The following CIC variants were observed in gnomAD, a reference collection of about 807,000 sequenced individuals.
CIC encodes protein capicua homolog.
In CIC, 18 loss-of-function variants were observed where a neutral mutation model predicts 115.7. The observed-to-expected ratio is 0.16, with a 90% CI of 0.11 to 0.23. The LOEUF is 0.23. Among genes scored for constraint, CIC ranks in the 10% least tolerant of loss-of-function variants. CIC has a pLI of 1.00. For missense variants in CIC, 2,000 were observed against 2,159.3 expected (o/e 0.93, Z 1.46); for synonymous variants, 1,076 against 923.0 (o/e 1.17, Z -3.01).
At position 42,293,779 on chromosome 19, in the gene CIC, G is replaced by A. The variant is rs2038324885; in HGVS notation, c.6710G>A (p.Gly2237Asp). 6.2e-7 allele frequency: 1 copy of A among 1,612,670 alleles called. No individual in the cohort carries two copies. Residue 2237 changes from glycine (G) to aspartate (D), a missense_variant, in exon 17 of 21, where the codon GGC becomes GAC. Physicochemically the swap from Gly to Asp is moderately conservative, Grantham distance 94. Around this residue, in one of 8 missense-constraint regions of CIC, gnomAD observed 1,466 missense variants for 1,390.4 expected, o/e 1.05. Coordinates refer to ENST00000681038, the MANE Select transcript of CIC (RefSeq NM_001386298.1). ...GAGCGCAAGGAGGCGGCTGGTACTG[G>A]CAAGAAGGTGAAGGTGCGGCCCCCG... ...TPERKEAAGT[G>D]KKVKVRPPPL...
At chr19:42,288,431 A>G (rs1035651958) in intron 7 of CIC, among the ~76,000 whole-genome samples, 1 of 152,094 alleles carries the variant, frequency 6.6e-6, no homozygotes, top group African/African-American at 2.4e-5. Context: ...GGCTGCTTCC[A>G]CTTATTGAGG....
At position 42,270,333 on chromosome 19, in the gene CIC, A is replaced by G. The variant is rs1196351544; in HGVS notation, c.-11+952A>G. On this transcript the variant is annotated intron_variant, in intron 1 of 20. Coordinates refer to ENST00000681038, the MANE Select transcript of CIC (RefSeq NM_001386298.1). This position sits in a 1 kb window ranked among gnomAD's most constrained non-coding sequence, Gnocchi z 4.1. ...ACAGGAGGAGCAGGCCCCTAGTGAG[A>G]GAGCATGAGGTCAAGGGTCCCCCAG... Among the ~76,000 whole-genome samples, 3 of 151,888 alleles carry G rather than the reference A, an allele frequency of 2.0e-5. No individual in the cohort carries two copies. Among genetic ancestry groups the G allele is most frequent in the African/African-American group, 7.3e-5 (3 of 41,338 alleles).
chr19:42,293,214 C>T lies in CIC; in HGVS notation c.6455C>T (p.Ala2152Val), dbSNP rs2147323832. ...CTGCCAGAGACCTGGACTCCCACGG[C>T]CCGGAGCAGCCCCCCACTGCCCCCA... ...PPLPETWTPTARSSPPLPPPA... is the reference protein window; with the variant it reads ...PPLPETWTPTVRSSPPLPPPA... The change falls in exon 16 of 21, where the codon GCC (alanine) becomes GTC (valine). Residue 2152 changes from alanine to valine, a missense_variant. By Grantham distance (64) the Ala-to-Val change is moderately conservative. Around this residue, in one of 8 missense-constraint regions of CIC, gnomAD observed 1,466 missense variants for 1,390.4 expected, o/e 1.05. Transcript: ENST00000681038. The T allele has an allele frequency of 6.3e-7, 1 of 1,595,972 alleles. No homozygotes were observed. The highest frequency in any genetic ancestry group is 8.5e-7 in the Non-Finnish European group (1 of 1,172,500).
chr19:42,286,654 TG>T, intron 2 of CIC, 116 bp from the exon 3 acceptor site: 3 of 1,158,978 alleles, frequency 2.6e-6, no homozygotes, highest in Non-Finnish European at 3.5e-6. Context: ...GCTCTGGTGT[TG>T]GGGGTGGGGG....
chr19:42,289,540 T>A, intron 9 of CIC, 134 bp downstream of exon 9: 1 of 1,047,488 alleles, frequency 9.5e-7, no homozygotes, highest in Non-Finnish European at 1.4e-6. Context: ...ATGTGGCCAG[T>A]TCAGGCCCTG....
rs761345552 is a variant in CIC at position 42,292,730 on chromosome 19, G to GC, written c.6074dup (p.Ser2026LysfsTer34). 12 of 1,612,892 alleles carry GC rather than the reference G, an allele frequency of 7.4e-6. No homozygotes were observed. On this transcript the variant is annotated frameshift_variant, in exon 15 of 21. Coordinates refer to ENST00000681038, the MANE Select transcript of CIC (RefSeq NM_001386298.1). LOFTEE classifies it high-confidence loss of function. Reference sequence around the variant, plus strand: ...AGCACCCCTGGCCCAGCCATCCCAGGCCCCCCCAAGCCTGGTCTACACTGT... The same window carrying GC: ...AGCACCCCTGGCCCAGCCATCCCAGGCCCCCCCCAAGCCTGGTCTACACTGT...
Position 42,294,704 on chromosome 19 carries a change from G to A in CIC, c.7155G>A (p.Gln2385=), listed in dbSNP as rs1309924252. ...TLDQRRALVM[Q]LFQDHGFFPS... ...ACCAGCGCCGGGCCCTGGTCATGCAGCTCTTTCAGGACCATGGCTTCTTCC... is the reference window on the plus strand; with the variant it reads ...ACCAGCGCCGGGCCCTGGTCATGCAACTCTTTCAGGACCATGGCTTCTTCC... Residue 2385 remains glutamine, a synonymous_variant, in exon 20 of 21, where the codon CAG becomes CAA. Transcript: ENST00000681038. 4 of 1,613,682 alleles carry A rather than the reference G, an allele frequency of 2.5e-6. No homozygotes were observed. The highest frequency in any genetic ancestry group is 2.2e-5 in the South Asian group (2 of 91,086).
At chr19:42,291,868 G>A (rs535158558) in intron 12 of CIC, 123 bp downstream of exon 12, 14 of 1,364,832 alleles carry the variant, frequency 1.0e-5, no homozygotes, top group African/African-American at 1.4e-5. Flanking sequence ...GCCATCTTCC[G>A]TGATGTCTCT....
intron 18 of CIC, 25 bp downstream of exon 18, chr19:42,294,114 G>A: frequency 1.2e-6 from 2 of 1,613,732 alleles, no homozygotes; most frequent in Non-Finnish European, 1.7e-6. Flanking sequence ...GGCACCCAGG[G>A]TCCTTAGGTG....
At position 42,280,937 on chromosome 19, in the gene CIC, C is replaced by G. The variant is rs987857002; in HGVS notation, c.2795-5834C>G. ...AACCCCCCCACCCCCGCATCCCACC[C>G]ATCTCCCAATCCCTGGGGACCATCC... On this transcript the variant is annotated intron_variant, in intron 2 of 20. Coordinates refer to ENST00000681038, the MANE Select transcript of CIC (RefSeq NM_001386298.1). This position sits in a 1 kb window ranked among gnomAD's most constrained non-coding sequence, Gnocchi z 4.9. Among the ~76,000 whole-genome samples the G allele has an allele frequency of 2.6e-5, 4 of 151,652 alleles. No homozygotes were observed. The highest frequency in any genetic ancestry group is 9.7e-5 in the African/African-American group (4 of 41,252).
At position 42,295,144 on chromosome 19, in the gene CIC, C is replaced by CGGG; in HGVS notation, c.7507_7508insGGG (p.Pro2503delinsArgAla). 17 of 492,736 alleles carry CGGG rather than the reference C, an allele frequency of 3.5e-5. No individual in the cohort carries two copies. The highest frequency in any genetic ancestry group is 5.8e-5 in the Non-Finnish European group (17 of 294,970). The allele number at this position is 492,736 out of a possible 1,614,324, so 30.5% of individuals were successfully genotyped here. ...GCCTGGCTGGGAGGGGGCTCCCCAG[C>CGGG]CCTCCCCCCCACCCCCAGGTCCCTC... On this transcript the variant is annotated protein_altering_variant, in exon 21 of 21. Coordinates refer to ENST00000681038, the MANE Select transcript of CIC (RefSeq NM_001386298.1).
chr19:42,294,780 C>G, intron 20 of CIC, 44 bp from the exon 21 acceptor site: 1 of 1,609,398 alleles, frequency 6.2e-7, no homozygotes, highest in Non-Finnish European at 8.5e-7. Flanking sequence ...TGGGACTTAT[C>G]TGTACATCTC....
intron 2 of CIC, among the ~76,000 whole-genome samples, chr19:42,278,127 G>C (rs539897613): frequency 6.6e-6 from 1 of 152,370 alleles, no homozygotes; most frequent in South Asian, 2.1e-4. Context: ...GGACTTGCTG[G>C]GGCAGGCGGC....
chr19:42,278,773 G>A (rs879716272), intron 2 of CIC, among the ~76,000 whole-genome samples: 5 of 152,222 alleles, frequency 3.3e-5, no homozygotes, highest in Admixed American at 6.5e-5. Flanking sequence ...GTGTTGGGAG[G>A]TTGTCCAGGC....
intron 9 of CIC, 149 bp from the exon 10 acceptor site, chr19:42,289,699 T>C (rs2037931961): frequency 2.6e-6 from 2 of 767,296 alleles, no homozygotes; most frequent in African/African-American, 3.4e-5. Flanking sequence ...GCACTGGGCA[T>C]GTGGGCACAG....
rs1353503819 is a variant in CIC at position 42,290,444 on chromosome 19, C to T, written c.4403C>T (p.Ala1468Val). 2 of 1,614,070 alleles carry T rather than the reference C, an allele frequency of 1.2e-6. No homozygotes were observed. The highest frequency in any genetic ancestry group is 1.7e-5 in the Admixed American group (1 of 60,014). Residue 1468 changes from alanine to valine, a missense_variant, in exon 11 of 21, where the codon GCC (alanine) becomes GTC (valine). This residue lies in a region of CIC where 1,466 missense variants were observed against 1,390.4 expected (regional missense o/e 1.05). Transcript: ENST00000681038. ...SFSLGSGTFK[A>V]QESGQGSTAG... ...TCACTGGGCTCAGGAACCTTCAAGGCCCAGGAGTCTGGTCAGGGCAGCACA... is the reference window on the plus strand; with the variant it reads ...TCACTGGGCTCAGGAACCTTCAAGGTCCAGGAGTCTGGTCAGGGCAGCACA...
rs1599916231 is a variant in CIC, at chr19:42,290,963, AGAAGTC to A, written c.4924_4929del (p.Lys1642_Ser1643del). 6 of 1,613,718 alleles carry A rather than the reference AGAAGTC, an allele frequency of 3.7e-6. No homozygotes were observed. Among genetic ancestry groups the A allele is most frequent in the Non-Finnish European group, 5.1e-6 (6 of 1,179,992 alleles). On this transcript the variant is annotated inframe_deletion, in exon 11 of 21. Coordinates refer to ENST00000681038, the MANE Select transcript of CIC (RefSeq NM_001386298.1). ...GGTGTCAGCTTAGTGTATTCGGACA[AGAAGTC>A]GGCAGCAGCCACCTCACCAGCCCCA...
At position 42,280,180 on chromosome 19, in the gene CIC, T is replaced by G; in HGVS notation, c.2794+5603T>G. 6.8e-6 allele frequency: 1 copy of G among 147,946 alleles called. No individual in the cohort carries two copies. The highest frequency in any genetic ancestry group is 6.7e-5 in the Admixed American group (1 of 14,980). The allele number at this position is 147,946 out of a possible 1,614,324, so 9.2% of individuals were successfully genotyped here. ...TCCTCCACCCCCACCCTATCCCCTG[T>G]TCCCGCTCCCCACGAGGGCCCGGGC... is the stretch of plus-strand genomic sequence containing the variant. On this transcript the variant is annotated intron_variant, in intron 2 of 20. Transcript: ENST00000681038. The surrounding 1 kb of genome is among the most constrained non-coding windows in gnomAD (Gnocchi z 4.9).
chr19:42,274,015 C>G lies in CIC; in HGVS notation c.2232C>G (p.Ser744Arg). ...GAAPDFPKSD[S>R]LDSGVDSVSH... ...CCCCAGACTTTCCCAAGAGTGACAG[C>G]TTAGACTCTGGTGTGGACTCAGTGT... is the stretch of plus-strand genomic sequence containing the variant. Residue 744 changes from serine to arginine, a missense_variant, in exon 2 of 21, where the codon AGC becomes AGG. Ser to Arg is a moderately radical substitution (Grantham distance 110). This residue lies in a region of CIC where 222 missense variants were observed against 247.7 expected (regional missense o/e 0.90). Coordinates refer to ENST00000681038, the MANE Select transcript of CIC (RefSeq NM_001386298.1). 2.5e-6 allele frequency: 1 copy of G among 398,758 alleles called. No homozygotes were observed. Among genetic ancestry groups the G allele is most frequent in the Non-Finnish European group, 4.4e-6 (1 of 226,156 alleles). 24.7% of individuals were successfully genotyped at this position (398,758 alleles called of 1,614,324 possible). A position where few individuals can be genotyped will look rare whatever the true frequency, so the allele number is the denominator to read the frequency against.
Sources: allele counts gnomAD v4.1 joint callset (sites outside exome capture counted in the v4.1 genomes callset), GRCh38; gene constraint gnomAD v4.1.1; regional missense constraint gnomAD v4.1.1; non-coding constraint Gnocchi (gnomAD v3.1); transcripts MANE v1.5; gene names NCBI Gene and HGNC (gene_info 2026-07-23, HGNC 2026-07-21).